The following POPDC3 variants were observed in gnomAD, a reference collection of about 807,000 sequenced individuals.
The protein encoded by POPDC3 is popeye domain-containing protein 3.
POPDC3 carries 20 observed loss-of-function variants against 28.2 expected under a neutral mutation model. That is an observed-to-expected ratio of 0.71 (90% CI 0.50 to 1.03). POPDC3 has a LOEUF of 1.03. Among genes scored for constraint, POPDC3 ranks in the 50% least tolerant of loss-of-function variants. The pLI is 0.00. For synonymous variants in POPDC3, 118 were observed against 124.1 expected, an observed-to-expected ratio of 0.95 and a Z score of 0.33; for missense variants, 316 against 345.9, an observed-to-expected ratio of 0.91 and a Z score of 0.69.
rs1368885725 is a variant in POPDC3 at position 105,172,041 on chromosome 6, TTAAAC to T, written c.-252+7787_-252+7791del. Among the ~76,000 whole-genome samples, 4 of 150,904 alleles carry T rather than the reference TTAAAC, an allele frequency of 2.7e-5. 1 individual carries two copies. Among genetic ancestry groups the T allele is most frequent in the Admixed American group, 2.6e-4 (4 of 15,110 alleles). ...GCCAAAATTGACAAATGGGATCTAA[TTAAAC>T]TAAAGAACTTCTGCACAGCAAAACA... is the stretch of plus-strand genomic sequence containing the variant. On this transcript the variant is annotated intron_variant, in intron 1 of 3. Transcript: ENST00000254765.
intron 1 of POPDC3, among the ~76,000 whole-genome samples, chr6:105,165,137 C>G (rs750641920): frequency 6.6e-6 from 1 of 152,152 alleles, no homozygotes; most frequent in African/African-American, 2.4e-5. Context: ...AATTCCCGTC[C>G]GCCCCTCTTT....
rs192056164 is a variant in POPDC3, at chr6:105,179,101, G to A, written c.-252+732C>T. 357 of 985,366 alleles carry A rather than the reference G, an allele frequency of 3.6e-4. No individual in the cohort carries two copies. The African/African-American group carries it at 5.9e-3, about 16-fold the overall frequency. The allele number at this position is 985,366 out of a possible 1,614,324, so 61.0% of individuals were successfully genotyped here. ...AATTTTTGGCACTGCCCCTCTTACT[G>A]TATTTTGGTTGTGCCTTTCATCTTT... On this transcript the variant is annotated intron_variant, in intron 1 of 3. Transcript: ENST00000254765.
At chr6:105,159,376 T>A (rs572256696) in intron 3 of POPDC3, among the ~76,000 whole-genome samples, 1 of 152,386 alleles carries the variant, frequency 6.6e-6, no homozygotes, top group East Asian at 1.9e-4. Context: ...TTTTTTGTTC[T>A]TGATGTTTTC....
intron 1 of POPDC3, among the ~76,000 whole-genome samples, chr6:105,177,350 A>T (rs925359950): frequency 2.0e-5 from 3 of 152,130 alleles, no homozygotes; most frequent in African/African-American, 7.2e-5. Context: ...TCAGATTCAC[A>T]CTTAAATTTT....
intron 1 of POPDC3, among the ~76,000 whole-genome samples, chr6:105,178,315 T>G (rs1007468402): frequency 6.6e-6 from 1 of 152,246 alleles, no homozygotes; most frequent in Non-Finnish European, 1.5e-5. Flanking sequence ...AGTGCTCTAG[T>G]GTGTCAACCG....
chr6:105,173,439 T>C (rs1355302433), intron 1 of POPDC3, among the ~76,000 whole-genome samples: 2 of 152,182 alleles, frequency 1.3e-5, no homozygotes, highest in South Asian at 2.1e-4. Flanking sequence ...CCCTCCTGCA[T>C]CTTGAATGGA....
chr6:105,179,687 C>CGGGGCAGCGA (rs1476299529), intron 1 of POPDC3, 146 bp downstream of exon 1: 3 of 151,876 alleles, frequency 2.0e-5, no homozygotes, highest in Non-Finnish European at 2.9e-5. Flanking sequence ...GCGGGCAGCG[C>CGGGGCAGCGA]GGGGCAGCGA....
chr6:105,169,386 AGT>A (rs374082143), intron 1 of POPDC3: 9 of 152,132 alleles, frequency 5.9e-5, no homozygotes, highest in African/African-American at 2.2e-4. Context: ...TTCCTTTCAT[AGT>A]CAGGTAGTCA....
Position 105,159,622 on chromosome 6 carries a change from T to C in POPDC3, c.594+89A>G, listed in dbSNP as rs571526532. On this transcript the variant is annotated intron_variant, in intron 3 of 3. Transcript: ENST00000254765. ...CCAAAGTCTTAAAATATTCTTGTCT[T>C]ATCCACTGTTGTTTATTTGTTTACT... 18 of 724,414 alleles carry C rather than the reference T, an allele frequency of 2.5e-5. No homozygotes were observed. The African/African-American group carries it at 2.7e-4, about 11-fold the overall frequency. The allele number at this position is 724,414 out of a possible 1,614,324, so 44.9% of individuals were successfully genotyped here.
chr6:105,166,762 G>T, intron 1 of POPDC3: 1 of 389,534 alleles, frequency 2.6e-6, no homozygotes, highest in South Asian at 2.0e-5. Context: ...CATAGATTGT[G>T]TCATACTGAC....
chr6:105,177,414 T>A (rs1203745761), intron 1 of POPDC3, among the ~76,000 whole-genome samples: 2 of 152,034 alleles, frequency 1.3e-5, no homozygotes, highest in Admixed American at 1.3e-4. Context: ...TACAACAAAT[T>A]CCCATATACC....
intron 1 of POPDC3, among the ~76,000 whole-genome samples, chr6:105,163,283 A>G (rs1373863594): frequency 6.6e-6 from 1 of 152,208 alleles, no homozygotes; most frequent in Non-Finnish European, 1.5e-5. Flanking sequence ...CAGATGGTCA[A>G]AAATATTACC....
Position 105,159,778 on chromosome 6 carries a change from A to G in POPDC3, c.527T>C (p.Phe176Ser), listed in dbSNP as rs1425472042. Residue 176 changes from phenylalanine to serine, a missense_variant, in exon 3 of 4, where the codon TTC becomes TCC. By Grantham distance (155) the Phe-to-Ser change is radical. Coordinates refer to ENST00000254765, the MANE Select transcript of POPDC3 (RefSeq NM_022361.5). ...AGGAGAATCCAGGAACTGAAGGGGG[A>G]AAATGTAATGCAGAAATTCGCCATC... Reference protein sequence around the residue: ...TVDGEFLHYIFPLQFLDSPEW... With the variant: ...TVDGEFLHYISPLQFLDSPEW... The G allele has an allele frequency of 1.9e-6, 3 of 1,612,890 alleles. No individual in the cohort carries two copies. Among genetic ancestry groups the G allele is most frequent in the Non-Finnish European group, 2.5e-6 (3 of 1,179,176 alleles).
chr6:105,173,931 G>C (rs780960062), intron 1 of POPDC3, among the ~76,000 whole-genome samples: 3 of 152,036 alleles, frequency 2.0e-5, no homozygotes, highest in Non-Finnish European at 4.4e-5. Context: ...AATGCACCAG[G>C]TTCCATGAAA....
intron 1 of POPDC3, among the ~76,000 whole-genome samples, chr6:105,175,399 G>A (rs1774663101): frequency 6.8e-6 from 1 of 147,364 alleles, no homozygotes; most frequent in Non-Finnish European, 1.5e-5. Context: ...AAAGCTGGGT[G>A]CCATGGTGCA....
At chr6:105,175,365 C>T (rs1331527840) in intron 1 of POPDC3, among the ~76,000 whole-genome samples, 1 of 128,288 alleles carries the variant, frequency 7.8e-6, no homozygotes, top group East Asian at 2.3e-4. Flanking sequence ...ACAGTGAGAC[C>T]CTAACTCTCC....
At chr6:105,170,195 C>T (rs1208195840) in intron 1 of POPDC3, among the ~76,000 whole-genome samples, 1 of 152,168 alleles carries the variant, frequency 6.6e-6, no homozygotes, top group East Asian at 1.9e-4. Context: ...TCTCCATATC[C>T]TGGAAATGGT....
intron 1 of POPDC3, chr6:105,168,720 A>G (rs1381966903): frequency 6.6e-6 from 1 of 152,176 alleles, no homozygotes; most frequent in Non-Finnish European, 1.5e-5. Context: ...CACTCTTATG[A>G]TTATGTTAAG....
intron 1 of POPDC3, among the ~76,000 whole-genome samples, chr6:105,166,978 G>A (rs552964036): frequency 1.1e-4 from 16 of 151,404 alleles, no homozygotes; most frequent in African/African-American, 3.9e-4. Flanking sequence ...CCTCTGTCTA[G>A]CACAAAGTGG....
Sources: gnomAD v4.1 joint callset for allele counts (sites outside exome capture counted in the v4.1 genomes callset) on GRCh38, gnomAD v4.1.1 for gene constraint, MANE v1.5 for transcripts, NCBI Gene and HGNC (gene_info 2026-07-23, HGNC 2026-07-21) for gene names.